Variants in ANO3 observed in about 807,000 individuals in gnomAD.
ANO3 encodes anoctamin 3.
In ANO3, 99 loss-of-function variants were observed where a neutral mutation model predicts 144.8. The observed-to-expected ratio is 0.68, with a 90% CI of 0.58 to 0.81. The LOEUF is 0.81. ANO3 is among the 30% of genes least tolerant of loss of function. ANO3 has a pLI of 0.00. For synonymous variants in ANO3, 414 were observed against 392.6 expected, an observed-to-expected ratio of 1.05 and a Z score of -0.64; for missense variants, 905 against 1,202.2, an observed-to-expected ratio of 0.75 and a Z score of 3.66.
chr11:26,423,312 T>G (rs866924598), intron 1 of ANO3, among the ~76,000 whole-genome samples: 6,147 of 116,156 alleles, frequency 0.053, 401 homozygotes, highest in African/African-American at 0.22. Context: ...CTTTATACTT[T>G]TTTTTTTTTT....
chr11:26,481,433 T>C (rs867271667), intron 4 of ANO3, among the ~76,000 whole-genome samples: 2 of 152,218 alleles, frequency 1.3e-5, no homozygotes, highest in South Asian at 4.1e-4. Context: ...AAAATTCTAC[T>C]ACATTCACTA....
intron 1 of ANO3, among the ~76,000 whole-genome samples, chr11:26,244,070 T>C (rs911046087): frequency 1.3e-5 from 2 of 150,078 alleles, no homozygotes; most frequent in Non-Finnish European, 2.9e-5. Flanking sequence ...TGAGCTGAGA[T>C]TGTGCCACTG....
intron 17 of ANO3, among the ~76,000 whole-genome samples, chr11:26,600,543 T>C (rs1232501153): frequency 1.0e-5 from 1 of 99,202 alleles, no homozygotes; most frequent in Admixed American, 1.1e-4. Context: ...TCTCCTCTTC[T>C]CTCTCTCCCT....
At chr11:26,429,164 G>C (rs1348563361) in intron 1 of ANO3, among the ~76,000 whole-genome samples, 1 of 152,094 alleles carries the variant, frequency 6.6e-6, no homozygotes, top group Non-Finnish European at 1.5e-5. Context: ...CCCCAGGTGG[G>C]GGTAGGGGTG....
chr11:26,390,497 G>A (rs796698227), intron 1 of ANO3, among the ~76,000 whole-genome samples: 7 of 152,022 alleles, frequency 4.6e-5, no homozygotes, highest in African/African-American at 1.7e-4. Context: ...AGTGTATTTG[G>A]TAAGATAAGG....
intron 3 of ANO3, chr11:26,460,062 C>A (rs1180185404): frequency 4.4e-6 from 2 of 449,666 alleles, no homozygotes; most frequent in Admixed American, 2.4e-5. Context: ...CATTAGAGAT[C>A]AGATTTCAAC....
At chr11:26,192,872 T>C (rs537880890) in intron 1 of ANO3, among the ~76,000 whole-genome samples, 5 of 152,274 alleles carry the variant, frequency 3.3e-5, no homozygotes, top group African/African-American at 9.6e-5. Flanking sequence ...GTTCCAGAGA[T>C]TGATGTAATT....
chr11:26,607,523 C>T (rs1054912281), intron 17 of ANO3, among the ~76,000 whole-genome samples: 12 of 152,096 alleles, frequency 7.9e-5, no homozygotes, highest in Non-Finnish European at 1.5e-4. Flanking sequence ...CCTTTTCATT[C>T]TTTTTTCTCT....
chr11:26,444,171 A>C lies in ANO3; in HGVS notation c.313+335A>C, dbSNP rs573013977. On this transcript the variant is annotated intron_variant, in intron 3 of 26. Transcript: ENST00000256737. ...AGAATTTAGAATGTTAGTAACACTC[A>C]GAGATTCTATCCTGGCCCATCATTA... is the stretch of plus-strand genomic sequence containing the variant. 2.0e-5 allele frequency among the ~76,000 whole-genome samples: 3 copies of C among 152,310 alleles called. No homozygotes were observed. In the East Asian group the frequency reaches 5.8e-4, roughly 29 times the overall value.
chr11:26,622,238 A>AC (rs1852436557), intron 17 of ANO3, among the ~76,000 whole-genome samples: 1 of 151,804 alleles, frequency 6.6e-6, no homozygotes, highest in Non-Finnish European at 1.5e-5. Flanking sequence ...TGTTATTGTA[A>AC]CCCCCCTAAT....
At chr11:26,589,966 C>A (rs1244348283) in intron 14 of ANO3, among the ~76,000 whole-genome samples, 2 of 152,134 alleles carry the variant, frequency 1.3e-5, no homozygotes, top group Non-Finnish European at 2.9e-5. Flanking sequence ...CACACAGAAC[C>A]AAAGGATTGT....
intron 1 of ANO3, among the ~76,000 whole-genome samples, chr11:26,432,332 G>T (rs1050337781): frequency 5.9e-5 from 9 of 152,226 alleles, no homozygotes; most frequent in Middle Eastern, 3.4e-3. Flanking sequence ...TGTATAGTTT[G>T]TAAATATATT....
chr11:26,224,760 C>T (rs187871407), intron 1 of ANO3, among the ~76,000 whole-genome samples: 48 of 152,298 alleles, frequency 3.2e-4, no homozygotes, highest in Non-Finnish European at 5.0e-4. Flanking sequence ...GTAGAATCTC[C>T]AGCCAATGCC....
chr11:26,453,684 T>C (rs958207005), intron 3 of ANO3, among the ~76,000 whole-genome samples: 7 of 152,006 alleles, frequency 4.6e-5, no homozygotes, highest in Non-Finnish European at 7.4e-5. Context: ...GAAAGAAAGT[T>C]AACAAGGATA....
At chr11:26,603,806 C>T (rs1851863547) in intron 17 of ANO3, among the ~76,000 whole-genome samples, 2 of 151,946 alleles carry the variant, frequency 1.3e-5, no homozygotes, top group Non-Finnish European at 2.9e-5. Flanking sequence ...TATTTGTTCA[C>T]CTAGTATATT....
rs1022982924 is a variant in ANO3, at chr11:26,634,395, C to G, written c.1985+80C>G. Reference sequence around the variant, plus strand: ...TTAATTGACGATTACTGTTCTTACTCAAATGATTTCTGACAGCCACCAGCA... The same window carrying G: ...TTAATTGACGATTACTGTTCTTACTGAAATGATTTCTGACAGCCACCAGCA... On this transcript the variant is annotated intron_variant, in intron 19 of 26. Coordinates refer to ENST00000256737, the MANE Select transcript of ANO3 (RefSeq NM_031418.4). 8 of 898,128 alleles carry G rather than the reference C, an allele frequency of 8.9e-6. No individual in the cohort carries two copies. The African/African-American group carries it at 1.0e-4, about 11-fold the overall frequency. 55.6% of individuals were successfully genotyped at this position (898,128 alleles called of 1,614,324 possible).
chr11:26,460,383 C>A (rs190103071), intron 3 of ANO3, among the ~76,000 whole-genome samples: 4 of 121,760 alleles, frequency 3.3e-5, no homozygotes, highest in Admixed American at 3.3e-4. Context: ...ATTATGCTGA[C>A]TTCTCCAGTA....
chr11:26,370,477 G>A (rs1406106387), intron 1 of ANO3, among the ~76,000 whole-genome samples: 1 of 152,166 alleles, frequency 6.6e-6, no homozygotes, highest in African/African-American at 2.4e-5. Context: ...GTAGGGCACT[G>A]CTGCAAAAAT....
intron 1 of ANO3, among the ~76,000 whole-genome samples, chr11:26,396,082 A>G (rs372304566): frequency 9.9e-5 from 15 of 152,152 alleles, no homozygotes; most frequent in African/African-American, 2.7e-4. Context: ...CAAAGAACTT[A>G]AACAAATTTA....
Sources: allele counts gnomAD v4.1 joint callset (sites outside exome capture counted in the v4.1 genomes callset), GRCh38; gene constraint gnomAD v4.1.1; transcripts MANE v1.5; gene names NCBI Gene and HGNC (gene_info 2026-07-23, HGNC 2026-07-21).